The following SIDT1 variants were observed in gnomAD, a reference collection of about 807,000 sequenced individuals.
SIDT1 encodes SID1 transmembrane family member 1.
SIDT1 carries 101 observed loss-of-function variants against 107.5 expected under a neutral mutation model. The observed-to-expected ratio is 0.94, with a 90% CI of 0.80 to 1.11. The LOEUF (loss-of-function observed/expected upper bound fraction) is 1.11. Among genes scored for constraint, SIDT1 ranks in the 50% least tolerant of loss-of-function variants. The pLI is 0.00. For missense variants in SIDT1, 1,076 were observed against 1,058.2 expected (o/e 1.02, Z -0.23); for synonymous variants, 395 against 398.2 (o/e 0.99, Z 0.10).
chr3:113,620,911 C>G (rs1296813530), intron 21 of SIDT1, among the ~76,000 whole-genome samples: 1 of 152,158 alleles, frequency 6.6e-6, no homozygotes, highest in Non-Finnish European at 1.5e-5. Context: ...AAACCACATC[C>G]ACGATCTGCT....
intron 1 of SIDT1, among the ~76,000 whole-genome samples, chr3:113,555,875 G>T (rs1940805581): frequency 6.7e-6 from 1 of 149,428 alleles, no homozygotes; most frequent in African/African-American, 2.5e-5. Flanking sequence ...TTTGCCCGGG[G>T]TGATTGGGCT....
chr3:113,613,484 C>A (rs1273243915), intron 19 of SIDT1, among the ~76,000 whole-genome samples: 2 of 152,200 alleles, frequency 1.3e-5, no homozygotes, highest in Admixed American at 6.5e-5. Context: ...GACTAGAAGA[C>A]CAAATAGAGC....
chr3:113,567,885 A>G (rs547242715), intron 3 of SIDT1, 175 bp downstream of exon 3: 6 of 589,668 alleles, frequency 1.0e-5, no homozygotes, highest in Middle Eastern at 4.6e-4. Flanking sequence ...TAATCTATAC[A>G]AAAGAGTGGG....
At chr3:113,554,522 T>C (rs1290988931) in intron 1 of SIDT1, among the ~76,000 whole-genome samples, 2 of 152,200 alleles carry the variant, frequency 1.3e-5, no homozygotes, top group African/African-American at 2.4e-5. Context: ...AGTTCCCCTG[T>C]ACACGCTCTC....
At position 113,533,159 on chromosome 3, in the gene SIDT1, C is replaced by G; in HGVS notation, c.138C>G (p.Ala46=). The G allele has an allele frequency of 6.3e-7, 1 of 1,578,946 alleles. No homozygotes were observed. The highest frequency in any genetic ancestry group is 8.6e-7 in the Non-Finnish European group (1 of 1,164,102). ...RRDPFDAARG[A]DFDHVYSGVV... Reference sequence around the variant, plus strand: ...ACCCCTTCGACGCTGCCAGGGGCGCCGATTTCGATCATGTCTACAGCGGGG... The same window carrying G: ...ACCCCTTCGACGCTGCCAGGGGCGCGGATTTCGATCATGTCTACAGCGGGG... Residue 46 remains alanine (A), a synonymous_variant, in exon 1 of 25, where the codon GCC becomes GCG. Transcript: ENST00000264852.
downstream of SIDT1, among the ~76,000 whole-genome samples, chr3:113,629,748 G>A (rs940321778): frequency 6.6e-6 from 1 of 152,138 alleles, no homozygotes; most frequent in Non-Finnish European, 1.5e-5. Context: ...AGATGTGAGC[G>A]GAAATGGGGA....
chr3:113,567,113 G>A (rs563323771), intron 2 of SIDT1, among the ~76,000 whole-genome samples: 3 of 152,298 alleles, frequency 2.0e-5, no homozygotes, highest in South Asian at 2.1e-4. Flanking sequence ...TGAAGAACTC[G>A]AGGACTGAAA....
chr3:113,540,151 G>A (rs753709097), intron 1 of SIDT1, among the ~76,000 whole-genome samples: 3 of 152,180 alleles, frequency 2.0e-5, no homozygotes, highest in East Asian at 1.9e-4. Flanking sequence ...GAGAGAAAGC[G>A]AGAGACAGAG....
chr3:113,573,905 C>A (rs759317243), intron 3 of SIDT1, among the ~76,000 whole-genome samples: 31 of 152,250 alleles, frequency 2.0e-4, no homozygotes, highest in South Asian at 6.2e-4. Context: ...GTGACTCTTA[C>A]CCTTAGCAAA....
intron 1 of SIDT1, among the ~76,000 whole-genome samples, chr3:113,545,414 T>C (rs1939481252): frequency 6.6e-6 from 1 of 152,248 alleles, no homozygotes; most frequent in African/African-American, 2.4e-5. Flanking sequence ...TTTGATCCAA[T>C]TATTGCTTTC....
chr3:113,612,430 C>T lies in SIDT1; in HGVS notation c.1966+236C>T, dbSNP rs1020292725. 3 of 586,206 alleles carry T rather than the reference C, an allele frequency of 5.1e-6. No individual in the cohort carries two copies. In the African/African-American group the frequency reaches 5.5e-5, roughly 11 times the overall value. 36.3% of individuals were successfully genotyped at this position (586,206 alleles called of 1,614,324 possible). On this transcript the variant is annotated intron_variant, in intron 19 of 24. Coordinates refer to ENST00000264852, the MANE Select transcript of SIDT1 (RefSeq NM_017699.3). ...GCTGAGAAACTAAGGTTTGCCACAC[C>T]TCAGAGATGAGTTGTACCTCCAACC...
chr3:113,537,228 A>G (rs983154000), intron 1 of SIDT1, among the ~76,000 whole-genome samples: 14 of 152,188 alleles, frequency 9.2e-5, no homozygotes, highest in Non-Finnish European at 1.9e-4. Flanking sequence ...TTTATTAACT[A>G]AGGCATTTAT....
chr3:113,580,733 C>G, intron 5 of SIDT1, 24 bp downstream of exon 5: 1 of 1,378,190 alleles, frequency 7.3e-7, no homozygotes, highest in East Asian at 2.3e-5. Flanking sequence ...ACTTGCCAAC[C>G]TTCTACTATA....
At position 113,616,162 on chromosome 3, in the gene SIDT1, C is replaced by T. The variant is rs150137878; in HGVS notation, c.2029C>T (p.Arg677Ter). ...CACAGACTGTATCCAGCAGTGTAGC[C>T]GACCTCTATATATGGTATGTGCATG... ...FYTDCIQQCSRPLYMDRMVLL... is the reference protein window; with the variant it reads ...FYTDCIQQCS The change falls in exon 20 of 25, where the codon CGA becomes TGA. Residue 677 changes from arginine to a stop codon, truncating the protein, a stop_gained. Coordinates refer to ENST00000264852, the MANE Select transcript of SIDT1 (RefSeq NM_017699.3). LOFTEE classifies it high-confidence loss of function. 21 of 1,613,068 alleles carry T rather than the reference C, an allele frequency of 1.3e-5. No individual in the cohort carries two copies. In the African/African-American group the frequency reaches 2.0e-4, roughly 15 times the overall value.
chr3:113,560,056 T>A (rs1474668087), intron 1 of SIDT1, among the ~76,000 whole-genome samples: 1 of 152,218 alleles, frequency 6.6e-6, no homozygotes, highest in African/African-American at 2.4e-5. Context: ...GTCATGATTG[T>A]TCCATCGCTG....
At chr3:113,549,478 G>A (rs79679618) in intron 1 of SIDT1, among the ~76,000 whole-genome samples, 4,291 of 152,170 alleles carry the variant, frequency 0.028, 108 homozygotes, top group East Asian at 0.095. Flanking sequence ...GCATCTGATT[G>A]TTGCTTTGCA....
Position 113,601,556 on chromosome 3 carries a change from T to G in SIDT1, c.1046-32T>G, listed in dbSNP as rs760709655. ...GTTGTTTTGTTTTAGCAACTGGACA[T>G]AAAGTGTTTGCCTCTTCACTTTTTT... On this transcript the variant is annotated intron_variant, in intron 10 of 24. Transcript: ENST00000264852. The G allele has an allele frequency of 1.7e-5, 25 of 1,498,588 alleles. No homozygotes were observed. The South Asian group carries it at 2.8e-4, about 17-fold the overall frequency. 92.8% of individuals were successfully genotyped at this position (1,498,588 alleles called of 1,614,324 possible).
intron 2 of SIDT1, 33 bp downstream of exon 2, chr3:113,566,574 T>C: frequency 1.2e-6 from 2 of 1,603,734 alleles, no homozygotes; most frequent in East Asian, 2.2e-5. Context: ...AACTTCACTA[T>C]GTTTAGTTTT....
chr3:113,618,849 G>A (rs1196089854), intron 20 of SIDT1, among the ~76,000 whole-genome samples: 1 of 152,186 alleles, frequency 6.6e-6, no homozygotes, highest in East Asian at 1.9e-4. Flanking sequence ...TTTTGGGACA[G>A]AGTCTTGCTC....
Sources: gnomAD v4.1 joint callset for allele counts (sites outside exome capture counted in the v4.1 genomes callset) on GRCh38, gnomAD v4.1.1 for gene constraint, MANE v1.5 for transcripts, NCBI Gene and HGNC (gene_info 2026-07-23, HGNC 2026-07-21) for gene names.